The following OXR1 variants were observed in gnomAD, a reference collection of about 807,000 sequenced individuals.
OXR1 encodes oxidation resistance protein 1.
In OXR1, 41 loss-of-function variants were observed where a neutral mutation model predicts 104.6. The observed-to-expected ratio is 0.39, with a 90% CI of 0.31 to 0.51. The LOEUF (loss-of-function observed/expected upper bound fraction) is 0.51, where lower values mean the gene tolerates loss of function less well. Among genes scored for constraint, OXR1 ranks in the 20% least tolerant of loss-of-function variants. The pLI is 0.77. For synonymous variants in OXR1, 348 were observed against 348.4 expected, an observed-to-expected ratio of 1.00 and a Z score of 0.01; for missense variants, 955 against 1,031.9, an observed-to-expected ratio of 0.93 and a Z score of 1.02.
intron 1 of OXR1, among the ~76,000 whole-genome samples, chr8:106,314,354 T>C (rs1286550149): frequency 3.3e-5 from 5 of 152,236 alleles, no homozygotes; most frequent in African/African-American, 9.6e-5. Flanking sequence ...TTTTCACCAG[T>C]ACTTCTCTAA....
intron 2 of OXR1, among the ~76,000 whole-genome samples, chr8:106,502,796 T>C (rs1811896641): frequency 6.6e-6 from 1 of 152,192 alleles, no homozygotes; most frequent in Non-Finnish European, 1.5e-5. Flanking sequence ...TTACCTGTTT[T>C]TTCTAATCCC....
At chr8:106,741,606 A>G (rs990548766) in intron 14 of OXR1, among the ~76,000 whole-genome samples, 1 of 152,130 alleles carries the variant, frequency 6.6e-6, no homozygotes, top group Non-Finnish European at 1.5e-5. Flanking sequence ...TGTACAGATT[A>G]TCTGTCAGAC....
chr8:106,694,810 T>A (rs1473461322), intron 7 of OXR1, among the ~76,000 whole-genome samples: 18 of 122,950 alleles, frequency 1.5e-4, no homozygotes, highest in African/African-American at 5.7e-4. Flanking sequence ...ACATATATAT[T>A]TAATAGATAA....
chr8:106,708,453 G>A (rs1831364620), intron 9 of OXR1, among the ~76,000 whole-genome samples: 1 of 151,956 alleles, frequency 6.6e-6, no homozygotes, highest in South Asian at 2.1e-4. Context: ...CTTCCTCATA[G>A]CTTTTGGCAA....
chr8:106,442,890 T>C (rs1192833719), intron 2 of OXR1, among the ~76,000 whole-genome samples: 1 of 151,848 alleles, frequency 6.6e-6, no homozygotes. Flanking sequence ...TTTTGGAGGG[T>C]TTTTCATGTC....
Position 106,750,877 on chromosome 8 carries a change from A to G in OXR1, c.2558A>G (p.Asn853Ser). The G allele has an allele frequency of 6.2e-7, 1 of 1,607,936 alleles. No individual in the cohort carries two copies. The highest frequency in any genetic ancestry group is 8.5e-7 in the Non-Finnish European group (1 of 1,175,526). Residue 853 changes from asparagine to serine, a missense_variant, in exon 17 of 17, where the codon AAT becomes AGT. This residue lies in a region of OXR1 where 106 missense variants were observed against 179.0 expected (regional missense o/e 0.59). Transcript: ENST00000517566. ...AGCCATTCTTGTAAAACGTTTGGGA[A>G]TCGTACACTTTCTAAGAAGGAAGAT... ...GRSHSCKTFG[N>S]RTLSKKEDFF...
At chr8:106,595,881 G>C (rs1336413092) in intron 3 of OXR1, among the ~76,000 whole-genome samples, 1 of 152,136 alleles carries the variant, frequency 6.6e-6, no homozygotes, top group African/African-American at 2.4e-5. Flanking sequence ...TCTAGCTACA[G>C]GTGCAGGTCA....
intron 3 of OXR1, among the ~76,000 whole-genome samples, chr8:106,542,204 T>C (rs1291285682): frequency 1.3e-5 from 2 of 152,208 alleles, no homozygotes; most frequent in African/African-American, 2.4e-5. Context: ...TTTTTAGATG[T>C]AGGCAAAGTG....
intron 3 of OXR1, chr8:106,657,571 G>C (rs1825226387): frequency 6.5e-6 from 1 of 153,784 alleles, no homozygotes; most frequent in Non-Finnish European, 1.4e-5. Context: ...CGGACGGGGC[G>C]GGGAGGGGCT....
chr8:106,539,855 T>G (rs897140207), intron 3 of OXR1, among the ~76,000 whole-genome samples: 3 of 152,214 alleles, frequency 2.0e-5, no homozygotes, highest in African/African-American at 7.2e-5. Flanking sequence ...AATTCATTCA[T>G]ATCTTTGACT....
At chr8:106,437,355 A>C (rs1393236620) in intron 2 of OXR1, among the ~76,000 whole-genome samples, 1 of 152,164 alleles carries the variant, frequency 6.6e-6, no homozygotes, top group African/African-American at 2.4e-5. Context: ...TCTTTGCGTT[A>C]AGTAAAATGT....
rs569580265 is a variant in OXR1, at chr8:106,365,747, A to G, written c.23+6111A>G. Among the ~76,000 whole-genome samples, 3 of 152,322 alleles carry G rather than the reference A, an allele frequency of 2.0e-5. No homozygotes were observed. In the East Asian group the frequency reaches 5.8e-4, roughly 29 times the overall value. The stretch of plus-strand genomic sequence containing the variant: ...TAGAATAACTTTTTAAAAATTAGAC[A>G]TTTATAAGAGACTTGGATATTTTTC... On this transcript the variant is annotated intron_variant, in intron 2 of 16. Coordinates refer to ENST00000517566, the MANE Select transcript of OXR1 (RefSeq NM_001198533.2).
intron 2 of OXR1, among the ~76,000 whole-genome samples, chr8:106,494,740 TGCAC>T (rs1440081699): frequency 3.3e-5 from 5 of 152,220 alleles, no homozygotes; most frequent in African/African-American, 1.2e-4. Flanking sequence ...GACCTGAGAC[TGCAC>T]TTCTAACAAG....
intron 3 of OXR1, among the ~76,000 whole-genome samples, chr8:106,582,591 G>T (rs765406824): frequency 6.6e-6 from 1 of 151,940 alleles, no homozygotes; most frequent in Non-Finnish European, 1.5e-5. Flanking sequence ...ATGTTAAAGA[G>T]ACAAATTCCT....
chr8:106,675,321 G>A (rs949514667), intron 3 of OXR1, among the ~76,000 whole-genome samples: 8 of 152,058 alleles, frequency 5.3e-5, no homozygotes, highest in Non-Finnish European at 8.8e-5. Context: ...TGACCTCATG[G>A]ATATGTAAAT....
rs1012961134 is a variant in OXR1 at position 106,710,615 on chromosome 8, A to G, written c.1625-7A>G. The stretch of plus-strand genomic sequence containing the variant: ...TTGAATAAACACTGTTTGCATCTCA[A>G]TTCTAGGTTCTGCACTTTTAAAAGA... On this transcript the variant is annotated splice_polypyrimidine_tract_variant and splice_region_variant and intron_variant, in intron 9 of 16. Transcript: ENST00000517566. The G allele has an allele frequency of 1.9e-6, 3 of 1,564,188 alleles. No individual in the cohort carries two copies. The highest frequency in any genetic ancestry group is 1.2e-5 in the South Asian group (1 of 82,878).
chr8:106,658,159 C>T (rs893353881), intron 3 of OXR1: 1 of 1,244,604 alleles, frequency 8.0e-7, no homozygotes, highest in East Asian at 3.2e-5. Flanking sequence ...CACCGGCCCC[C>T]GGCGCCGTCC....
intron 2 of OXR1, among the ~76,000 whole-genome samples, chr8:106,441,456 G>A (rs983878316): frequency 5.3e-5 from 8 of 152,110 alleles, no homozygotes; most frequent in African/African-American, 1.2e-4. Flanking sequence ...TGTGAAGAAC[G>A]TCAATGGTAG....
chr8:106,627,959 G>T (rs1440015506), intron 3 of OXR1, among the ~76,000 whole-genome samples: 1 of 152,138 alleles, frequency 6.6e-6, no homozygotes, highest in East Asian at 1.9e-4. Context: ...TTACTACATA[G>T]AATTCCTAAC....
Sources: allele counts gnomAD v4.1 joint callset (sites outside exome capture counted in the v4.1 genomes callset), GRCh38; gene constraint gnomAD v4.1.1; regional missense constraint gnomAD v4.1.1; transcripts MANE v1.5; gene names NCBI Gene and HGNC (gene_info 2026-07-23, HGNC 2026-07-21).